Variants in MSI2 observed in about 807,000 individuals in gnomAD.
MSI2 encodes the protein RNA-binding protein Musashi homolog 2.
Under a neutral mutation model 45.6 loss-of-function variants are expected in MSI2, and 17 were observed. The ratio of observed to expected loss-of-function variants is 0.37; its 90% CI spans 0.26 to 0.56. The LOEUF (loss-of-function observed/expected upper bound fraction) is 0.56, where lower values mean the gene tolerates loss of function less well. MSI2 is among the 20% of genes least tolerant of loss of function. MSI2 has a pLI of 0.77. For synonymous variants in MSI2, 156 were observed against 158.2 expected (o/e 0.99, Z 0.11); for missense variants, 293 against 444.2 (o/e 0.66, Z 3.06).
chr17:57,463,443 T>A (rs1218794135), intron 6 of MSI2, among the ~76,000 whole-genome samples: 2 of 151,998 alleles, frequency 1.3e-5, no homozygotes, highest in Non-Finnish European at 2.9e-5. Context: ...CTCTACAGCC[T>A]CCCTCCCCAT....
Position 57,490,693 on chromosome 17 carries a change from G to A in MSI2, c.406-38983G>A, listed in dbSNP as rs146587954. ...ATGGCTCATGTTTCAAGATATCACA[G>A]GCCGAGAAGCGACCATGATCTTGGT... On this transcript the variant is annotated intron_variant, in intron 6 of 13. Coordinates refer to ENST00000284073, the MANE Select transcript of MSI2 (RefSeq NM_138962.4). Among the ~76,000 whole-genome samples, 646 of 152,322 alleles carry A rather than the reference G, an allele frequency of 4.2e-3. 3 individuals are homozygous for A. The highest frequency in any genetic ancestry group is 0.015 in the African/African-American group (603 of 41,574).
chr17:57,398,221 CACATGA>C (rs1302926302), intron 5 of MSI2, among the ~76,000 whole-genome samples: 3 of 152,136 alleles, frequency 2.0e-5, no homozygotes, highest in Non-Finnish European at 4.4e-5. Context: ...TCTCTGGGAC[CACATGA>C]ACGTTTGGAA....
At chr17:57,304,080 T>C (rs1393725908) in intron 5 of MSI2, among the ~76,000 whole-genome samples, 2 of 152,176 alleles carry the variant, frequency 1.3e-5, no homozygotes, top group African/African-American at 4.8e-5. Flanking sequence ...CATTGATGGC[T>C]GTGCGCCATG....
chr17:57,458,883 G>A (rs1346094742), intron 6 of MSI2, among the ~76,000 whole-genome samples: 5 of 152,312 alleles, frequency 3.3e-5, no homozygotes, highest in Middle Eastern at 3.4e-3. Context: ...TCCCTGCTCC[G>A]CGGTTGCTGG....
At chr17:57,636,525 G>T (rs751963209) in intron 10 of MSI2, among the ~76,000 whole-genome samples, 6 of 152,162 alleles carry the variant, frequency 3.9e-5, no homozygotes, top group Non-Finnish European at 8.8e-5. Context: ...CCCGGGGTGC[G>T]CTCAGGGAGC....
At chr17:57,270,958 A>G (rs931843344) in intron 5 of MSI2, among the ~76,000 whole-genome samples, 4 of 152,094 alleles carry the variant, frequency 2.6e-5, no homozygotes, top group African/African-American at 7.2e-5. Context: ...TGCAGCCTTT[A>G]TCTTGGGGAT....
downstream of MSI2, among the ~76,000 whole-genome samples, chr17:57,689,132 G>C (rs561385524): frequency 6.6e-6 from 1 of 151,934 alleles, no homozygotes; most frequent in Admixed American, 6.6e-5. Flanking sequence ...ATACAAGAAC[G>C]TCTGGGAAGA....
Position 57,593,080 on chromosome 17 carries a change from C to A in MSI2, c.455-3788C>A, listed in dbSNP as rs1348095221. 2.0e-5 allele frequency among the ~76,000 whole-genome samples: 3 copies of A among 152,234 alleles called. No homozygotes were observed. In the East Asian group the frequency reaches 5.8e-4, roughly 29 times the overall value. ...TGTCCTCTGGCTCATGGGGCAGTGC[C>A]CTTCAGTGGTGGCACTGACTTCATG... On this transcript the variant is annotated intron_variant, in intron 7 of 13. Coordinates refer to ENST00000284073, the MANE Select transcript of MSI2 (RefSeq NM_138962.4).
intron 5 of MSI2, among the ~76,000 whole-genome samples, chr17:57,351,576 C>T (rs907976663): frequency 1.3e-5 from 2 of 152,202 alleles, no homozygotes; most frequent in Non-Finnish European, 2.9e-5. Flanking sequence ...GTGTGTATGG[C>T]CAGGTGCAAC....
At chr17:57,285,530 A>G (rs58209475) in intron 5 of MSI2, among the ~76,000 whole-genome samples, 1 of 152,186 alleles carries the variant, frequency 6.6e-6, no homozygotes, top group African/African-American at 2.4e-5. Flanking sequence ...GGGAGGGCGC[A>G]CTTTTCAGGA....
intron 8 of MSI2, among the ~76,000 whole-genome samples, chr17:57,599,938 G>A (rs1040570411): frequency 6.6e-6 from 1 of 152,144 alleles, no homozygotes; most frequent in Non-Finnish European, 1.5e-5. Context: ...GTTATCTCTT[G>A]CCATTATCCT....
chr17:57,475,669 C>T (rs757017532), intron 6 of MSI2, among the ~76,000 whole-genome samples: 2 of 152,046 alleles, frequency 1.3e-5, no homozygotes, highest in Non-Finnish European at 2.9e-5. Flanking sequence ...TAGTGCCACC[C>T]GTAACCCCAT....
At position 57,369,196 on chromosome 17, in the gene MSI2, C is replaced by A. The variant is rs1442822522; in HGVS notation, c.313-32183C>A. ...TCGGTTCTTTTGTTGAGAGTGACGT[C>A]ACAGTTGTCCTGCAGCAAGCCAGGG... is the stretch of plus-strand genomic sequence containing the variant. On this transcript the variant is annotated intron_variant, in intron 5 of 13. Transcript: ENST00000284073. Among the ~76,000 whole-genome samples, 3 of 152,180 alleles carry A rather than the reference C, an allele frequency of 2.0e-5. No individual in the cohort carries two copies. In the East Asian group the frequency reaches 5.8e-4, roughly 29 times the overall value.
intron 6 of MSI2, among the ~76,000 whole-genome samples, chr17:57,442,800 C>T (rs531331779): frequency 2.6e-5 from 4 of 152,298 alleles, no homozygotes; most frequent in African/African-American, 7.2e-5. Flanking sequence ...CCTGCCGGCA[C>T]GCTGGGGGCC....
At chr17:57,675,211 C>A (rs1403564368) in intron 12 of MSI2, 85 bp downstream of exon 12, 3 of 1,359,076 alleles carry the variant, frequency 2.2e-6, no homozygotes, top group Non-Finnish European at 2.1e-6. Context: ...GAAAGCCCAA[C>A]ATCGGGGGCA....
At chr17:57,520,985 T>C (rs2086572349) in intron 6 of MSI2, among the ~76,000 whole-genome samples, 2 of 152,184 alleles carry the variant, frequency 1.3e-5, no homozygotes, top group African/African-American at 4.8e-5. Flanking sequence ...AGAAATTATG[T>C]AGACTTTTTC....
intron 5 of MSI2, among the ~76,000 whole-genome samples, chr17:57,338,832 GC>G (rs1444597621): frequency 6.6e-6 from 1 of 152,184 alleles, no homozygotes; most frequent in African/African-American, 2.4e-5. Flanking sequence ...ACCTACAGGG[GC>G]TGCCGAGATG....
intron 6 of MSI2, among the ~76,000 whole-genome samples, chr17:57,488,767 C>T (rs893950075): frequency 3.3e-5 from 5 of 151,346 alleles, no homozygotes; most frequent in Non-Finnish European, 7.4e-5. Flanking sequence ...GAGGTTGCAG[C>T]GAGCCGAGAT....
chr17:57,432,101 A>G (rs2084606936), intron 6 of MSI2, among the ~76,000 whole-genome samples: 2 of 152,058 alleles, frequency 1.3e-5, no homozygotes, highest in African/African-American at 2.4e-5. Flanking sequence ...CCCTTCCATT[A>G]AATATTAAGC....
Sources: allele counts gnomAD v4.1 joint callset (sites outside exome capture counted in the v4.1 genomes callset), GRCh38; gene constraint gnomAD v4.1.1; transcripts MANE v1.5; gene names NCBI Gene and HGNC (gene_info 2026-07-23, HGNC 2026-07-21).